Variants in EIF4E observed in about 807,000 individuals in gnomAD.
The protein encoded by EIF4E is eukaryotic translation initiation factor 4E.
For synonymous variants in EIF4E, 71 were observed against 88.5 expected, an observed-to-expected ratio of 0.80 and a Z score of 1.11; for missense variants, 113 against 265.6, an observed-to-expected ratio of 0.43 and a Z score of 3.99.
intron 3 of EIF4E, among the ~76,000 whole-genome samples, 169 bp downstream of exon 3, chr4:98,891,068 A>G (rs1724123800): frequency 6.6e-6 from 1 of 152,236 alleles, no homozygotes; most frequent in African/African-American, 2.4e-5. Context: ...GAAGCTCTGT[A>G]AAACTAATAA....
At chr4:98,927,786 T>C (rs1721253111) in intron 1 of EIF4E, among the ~76,000 whole-genome samples, 1 of 151,614 alleles carries the variant, frequency 6.6e-6, no homozygotes, top group Non-Finnish European at 1.5e-5. Context: ...CTAGAGCTGG[T>C]TCCAGAGTGT....
chr4:98,880,910 T>C lies in EIF4E; in HGVS notation c.*118A>G, dbSNP rs1579143467. The C allele has an allele frequency of 3.3e-6, 5 of 1,521,368 alleles. No individual in the cohort carries two copies. The East Asian group carries it at 1.2e-4, about 37-fold the overall frequency. The allele number at this position is 1,521,368 out of a possible 1,614,324, so 94.2% of individuals were successfully genotyped here. A position where few individuals can be genotyped will look rare whatever the true frequency, so the allele number is the denominator to read the frequency against. ...GACTTCTCTTATATCTGAGTAACAT[T>C]AAGATGGAAATCAAATTTAAATGCA... On this transcript the variant is annotated 3_prime_UTR_variant, in exon 7 of 7. Coordinates refer to ENST00000450253, the MANE Select transcript of EIF4E (RefSeq NM_001968.5).
intron 1 of EIF4E, among the ~76,000 whole-genome samples, chr4:98,928,462 G>A (rs923420255): frequency 1.3e-5 from 2 of 151,996 alleles, no homozygotes; most frequent in Non-Finnish European, 2.9e-5. Context: ...TCTCCGGCGC[G>A]CTGGATTAAC....
intron 6 of EIF4E, among the ~76,000 whole-genome samples, chr4:98,883,393 A>ATTTTTTTTTTTTTTTTT (rs11408890): frequency 9.6e-6 from 1 of 103,896 alleles, no homozygotes. Context: ...TGTAAGTCAA[A>ATTTTTTTTTTTTTTTTT]TTTTTTTTTT....
intron 6 of EIF4E, among the ~76,000 whole-genome samples, chr4:98,882,408 A>G (rs1251080520): frequency 6.6e-6 from 1 of 151,310 alleles, no homozygotes; most frequent in Non-Finnish European, 1.5e-5. Context: ...AAAAAAAAAA[A>G]AAAAAAGAAA....
chr4:98,899,330 G>A (rs992920595), intron 2 of EIF4E, among the ~76,000 whole-genome samples: 1 of 152,092 alleles, frequency 6.6e-6, no homozygotes, highest in Admixed American at 6.5e-5. Flanking sequence ...AAAATATTTT[G>A]AAACTTCAAT....
chr4:98,897,706 T>C (rs778499144), intron 2 of EIF4E, among the ~76,000 whole-genome samples: 2 of 152,214 alleles, frequency 1.3e-5, no homozygotes, highest in Non-Finnish European at 2.9e-5. Context: ...ATTTAGGCAA[T>C]TGTCTGAACT....
intron 2 of EIF4E, among the ~76,000 whole-genome samples, chr4:98,892,190 T>C (rs1036067039): frequency 6.7e-6 from 1 of 148,318 alleles, no homozygotes; most frequent in Non-Finnish European, 1.5e-5. Flanking sequence ...CTAGGAAAAA[T>C]ACAAAACTAG....
intron 1 of EIF4E, chr4:98,928,780 C>T: frequency 7.3e-7 from 1 of 1,370,764 alleles, no homozygotes; most frequent in Non-Finnish European, 9.8e-7. Context: ...ACACCATCCT[C>T]GCATACCCAG....
At chr4:98,912,976 G>A (rs1725218144) in intron 1 of EIF4E, among the ~76,000 whole-genome samples, 1 of 152,180 alleles carries the variant, frequency 6.6e-6, no homozygotes, top group African/African-American at 2.4e-5. Flanking sequence ...GGAGGCCGAG[G>A]CAGGCGGATC....
chr4:98,928,853 C>T (rs1721346962), intron 1 of EIF4E: 3 of 1,537,550 alleles, frequency 2.0e-6, no homozygotes, highest in East Asian at 4.9e-5. Context: ...GGCGCCACGC[C>T]GCCCCTCCCC....
In EIF4E at chr4:98,879,876, T is replaced by C. The variant is rs927365207; in HGVS notation, c.*1152A>G. On this transcript the variant is annotated 3_prime_UTR_variant, in exon 7 of 7. Coordinates refer to ENST00000450253, the MANE Select transcript of EIF4E (RefSeq NM_001968.5). The stretch of plus-strand genomic sequence containing the variant: ...AGCCACATCAATTTAATTCCATATA[T>C]ATGATACTACCTATTCAATTTATTA... 1 of 152,196 alleles carries C rather than the reference T, an allele frequency of 6.6e-6. No individual in the cohort carries two copies. The highest frequency in any genetic ancestry group is 1.5e-5 in the Non-Finnish European group (1 of 67,994). The allele number at this position is 152,196 out of a possible 1,614,324, so 9.4% of individuals were successfully genotyped here. A position where few individuals can be genotyped will look rare whatever the true frequency, so the allele number is the denominator to read the frequency against.
At chr4:98,911,727 T>C (rs535723276) in intron 1 of EIF4E, among the ~76,000 whole-genome samples, 30 of 151,568 alleles carry the variant, frequency 2.0e-4, no homozygotes, top group African/African-American at 7.0e-4. Context: ...AAATAAATTT[T>C]TTTAAAGAAC....
chr4:98,907,127 T>C (rs768877738), intron 1 of EIF4E, among the ~76,000 whole-genome samples: 11 of 152,182 alleles, frequency 7.2e-5, no homozygotes, highest in African/African-American at 1.9e-4. Flanking sequence ...TGATTTGTTT[T>C]AGAAAGAAAA....
intron 2 of EIF4E, chr4:98,895,327 T>C (rs892476711): frequency 6.6e-6 from 1 of 152,218 alleles, no homozygotes; most frequent in South Asian, 2.1e-4. Context: ...TACGCCTGTA[T>C]AATATTTTCT....
chr4:98,883,754 T>A (rs1257912166), intron 6 of EIF4E, among the ~76,000 whole-genome samples: 1 of 151,946 alleles, frequency 6.6e-6, no homozygotes, highest in Non-Finnish European at 1.5e-5. Flanking sequence ...AAAAAAAATG[T>A]CAGCTGGTTT....
intron 1 of EIF4E, among the ~76,000 whole-genome samples, chr4:98,910,254 A>C (rs1027884799): frequency 6.6e-6 from 1 of 152,232 alleles, no homozygotes; most frequent in Admixed American, 6.5e-5. Flanking sequence ...TGAAATAAAA[A>C]ACACATGGAG....
chr4:98,885,900 A>C (rs1241768096), intron 5 of EIF4E, among the ~76,000 whole-genome samples: 1 of 152,206 alleles, frequency 6.6e-6, no homozygotes, highest in African/African-American at 2.4e-5. Context: ...TTTAACTGCA[A>C]AATGGAAATG....
chr4:98,918,191 T>C (rs1224903468), intron 1 of EIF4E, among the ~76,000 whole-genome samples: 11 of 151,708 alleles, frequency 7.3e-5, no homozygotes, highest in Non-Finnish European at 1.6e-4. Flanking sequence ...GATGAAACCC[T>C]GTCTCTACTA....
Sources: gnomAD v4.1 joint callset for allele counts (sites outside exome capture counted in the v4.1 genomes callset) on GRCh38, gnomAD v4.1.1 for gene constraint, MANE v1.5 for transcripts, NCBI Gene and HGNC (gene_info 2026-07-23, HGNC 2026-07-21) for gene names.